The following BTRC variants were observed in gnomAD, a reference collection of about 807,000 sequenced individuals.
BTRC encodes the protein beta-transducin repeat containing E3 ubiquitin protein ligase.
In BTRC, 42 loss-of-function variants were observed where a neutral mutation model predicts 85.5. That is an observed-to-expected ratio of 0.49 (90% CI 0.38 to 0.64). BTRC has a LOEUF of 0.64. Among genes scored for constraint, BTRC ranks in the 30% least tolerant of loss-of-function variants. BTRC has a pLI of 0.00. For missense variants in BTRC, 594 were observed against 743.5 expected, an observed-to-expected ratio of 0.80 and a Z score of 2.34; for synonymous variants, 255 against 263.3, an observed-to-expected ratio of 0.97 and a Z score of 0.30.
chr10:101,385,678 T>C (rs1361462319), intron 1 of BTRC, among the ~76,000 whole-genome samples: 1 of 141,224 alleles, frequency 7.1e-6, no homozygotes, highest in East Asian at 2.0e-4. Flanking sequence ...AACCTTTTTT[T>C]GGTTATGGAC....
chr10:101,479,292 A>G, intron 3 of BTRC, 76 bp from the exon 4 acceptor site: 1 of 1,079,354 alleles, frequency 9.3e-7, no homozygotes, highest in Non-Finnish European at 1.4e-6. Context: ...CTTGAGAAAT[A>G]GAGCAGAATT....
intron 1 of BTRC, among the ~76,000 whole-genome samples, chr10:101,422,689 C>A (rs1389871254): frequency 6.6e-6 from 1 of 152,182 alleles, no homozygotes; most frequent in Non-Finnish European, 1.5e-5. Context: ...CTATATATGG[C>A]TAGCCAGTTT....
At chr10:101,456,044 G>T (rs1589491736) in intron 2 of BTRC, among the ~76,000 whole-genome samples, 3 of 104,520 alleles carry the variant, frequency 2.9e-5, no homozygotes, top group African/African-American at 1.2e-4. Context: ...GGTGGCGCAT[G>T]CCTGTAATCC....
At chr10:101,547,474 G>A (rs1361268629) in intron 13 of BTRC, among the ~76,000 whole-genome samples, 1 of 151,268 alleles carries the variant, frequency 6.6e-6, no homozygotes, top group Admixed American at 6.6e-5. Flanking sequence ...CTGAGTAGCT[G>A]GGATTACGGG....
At chr10:101,491,013 T>G (rs1946115778) in intron 4 of BTRC, among the ~76,000 whole-genome samples, 1 of 151,190 alleles carries the variant, frequency 6.6e-6, no homozygotes, top group Admixed American at 6.6e-5. Context: ...AGGCCAAGAT[T>G]GCGCCACTGT....
intron 4 of BTRC, among the ~76,000 whole-genome samples, chr10:101,490,782 G>C (rs1294657527): frequency 6.6e-6 from 1 of 152,242 alleles, no homozygotes; most frequent in African/African-American, 2.4e-5. Context: ...TTTTCGGCTG[G>C]GTGTGGTGCC....
In BTRC at chr10:101,366,940, ATATATATT is replaced by A. The variant is rs1196504654; in HGVS notation, c.48+12720_48+12727del. Among the ~76,000 whole-genome samples the A allele has an allele frequency of 7.7e-4, 10 of 12,954 alleles. 1 individual carries two copies. Among genetic ancestry groups the A allele is most frequent in the Admixed American group, 1.6e-3 (1 of 642 alleles). The allele number at this position is 12,954 out of a possible 152,430, so 8.5% of individuals were successfully genotyped here. On this transcript the variant is annotated intron_variant, in intron 1 of 14. Coordinates refer to ENST00000370187, the MANE Select transcript of BTRC (RefSeq NM_033637.4). ...TATTTATATATATTTATATATATTT[ATATATATT>A]TATATATATATTTATATAAATATAT...
chr10:101,431,118 G>T (rs1181984799), intron 2 of BTRC, among the ~76,000 whole-genome samples: 3 of 128,964 alleles, frequency 2.3e-5, no homozygotes, highest in Non-Finnish European at 4.7e-5. Context: ...GCTTCATGGC[G>T]CAAGCTGGAG....
At chr10:101,426,846 G>A (rs1944264549) in intron 1 of BTRC, among the ~76,000 whole-genome samples, 1 of 152,162 alleles carries the variant, frequency 6.6e-6, no homozygotes, top group Non-Finnish European at 1.5e-5. Flanking sequence ...GGTGGCTTTA[G>A]TATGGTTAAA....
intron 2 of BTRC, among the ~76,000 whole-genome samples, chr10:101,450,481 C>T (rs1944931328): frequency 6.6e-6 from 1 of 152,138 alleles, no homozygotes; most frequent in Admixed American, 6.6e-5. Context: ...ATCAGAGTAT[C>T]TCAGTGCTTA....
rs545601407 is a variant in BTRC, at chr10:101,542,898, C to T, written c.1656+4527C>T. ...TTTGTTGTTGTCGTTGTTTTTGAGA[C>T]GGAGTTTCTCTCTTGTCACCCAGGC... On this transcript the variant is annotated intron_variant, in intron 13 of 14. Transcript: ENST00000370187. 1.8e-4 allele frequency among the ~76,000 whole-genome samples: 27 copies of T among 151,986 alleles called. No homozygotes were observed. In the East Asian group the frequency reaches 2.1e-3, roughly 12 times the overall value.
At chr10:101,411,710 G>C (rs1017282992) in intron 1 of BTRC, among the ~76,000 whole-genome samples, 2 of 131,234 alleles carry the variant, frequency 1.5e-5, no homozygotes, top group East Asian at 4.0e-4. Flanking sequence ...TAATTTCATT[G>C]TCAGTTTTTT....
chr10:101,508,226 A>C (rs1468752826), intron 4 of BTRC, among the ~76,000 whole-genome samples: 1 of 152,230 alleles, frequency 6.6e-6, no homozygotes, highest in Non-Finnish European at 1.5e-5. Context: ...GTCATTAAAT[A>C]ATCATATATA....
chr10:101,400,567 A>G (rs1179294964), intron 1 of BTRC, among the ~76,000 whole-genome samples: 2 of 152,156 alleles, frequency 1.3e-5, no homozygotes, highest in South Asian at 2.1e-4. Flanking sequence ...CTCCCTATCA[A>G]TGAGAAGGGT....
At chr10:101,367,966 G>T (rs1942517840) in intron 1 of BTRC, among the ~76,000 whole-genome samples, 1 of 152,166 alleles carries the variant, frequency 6.6e-6, no homozygotes, top group Non-Finnish European at 1.5e-5. Context: ...CCTGAGAATG[G>T]AATCGCTGGG....
At chr10:101,450,575 G>C (rs1348538110) in intron 2 of BTRC, among the ~76,000 whole-genome samples, 1 of 152,140 alleles carries the variant, frequency 6.6e-6, no homozygotes, top group Non-Finnish European at 1.5e-5. Flanking sequence ...CACCAATGCT[G>C]TTTGACTTGA....
intron 1 of BTRC, among the ~76,000 whole-genome samples, chr10:101,423,402 A>C (rs1400394484): frequency 2.6e-5 from 4 of 152,240 alleles, no homozygotes; most frequent in African/African-American, 4.8e-5. Flanking sequence ...ATATAGTAAC[A>C]AGTGCTACAA....
At chr10:101,445,383 TA>T (rs1362063139) in intron 2 of BTRC, among the ~76,000 whole-genome samples, 2 of 152,224 alleles carry the variant, frequency 1.3e-5, no homozygotes, top group Non-Finnish European at 2.9e-5. Context: ...TTAGGGTCAG[TA>T]TCTATAAAAT....
At chr10:101,367,901 A>T (rs1002478486) in intron 1 of BTRC, among the ~76,000 whole-genome samples, 2 of 152,212 alleles carry the variant, frequency 1.3e-5, no homozygotes, top group Non-Finnish European at 2.9e-5. Flanking sequence ...GCTATTATAA[A>T]TAATCTTGTA....
Sources: gnomAD v4.1 joint callset for allele counts (sites outside exome capture counted in the v4.1 genomes callset) on GRCh38, gnomAD v4.1.1 for gene constraint, MANE v1.5 for transcripts, NCBI Gene and HGNC (gene_info 2026-07-23, HGNC 2026-07-21) for gene names.